Variants in RYR3 observed in about 807,000 individuals in gnomAD.
The protein encoded by RYR3 is brain ryanodine receptor-calcium release channel.
In RYR3, 207 loss-of-function variants were observed where a neutral mutation model predicts 584.3. That is an observed-to-expected ratio of 0.35 (90% CI 0.32 to 0.40). The LOEUF (loss-of-function observed/expected upper bound fraction) is 0.40. RYR3 is among the 10% of genes least tolerant of loss of function. The pLI is 1.00. For missense variants in RYR3, 5,616 were observed against 6,089.2 expected (o/e 0.92, Z 2.59); for synonymous variants, 2,416 against 2,248.5 (o/e 1.07, Z -2.11).
chr15:33,584,970 T>C (rs898471196), intron 15 of RYR3, among the ~76,000 whole-genome samples: 1 of 152,144 alleles, frequency 6.6e-6, no homozygotes, highest in East Asian at 1.9e-4. Flanking sequence ...ACCCTTCACA[T>C]CATATCTATA....
chr15:33,587,591 A>T (rs945285584), intron 16 of RYR3, among the ~76,000 whole-genome samples: 1 of 152,188 alleles, frequency 6.6e-6, no homozygotes, highest in African/African-American at 2.4e-5. Flanking sequence ...GCCTGATCTG[A>T]TATGTTATCA....
chr15:33,604,020 G>C (rs570362848), intron 18 of RYR3, among the ~76,000 whole-genome samples: 1 of 152,288 alleles, frequency 6.6e-6, no homozygotes, highest in South Asian at 2.1e-4. Flanking sequence ...CTTGACTTCT[G>C]CCTGGGTGAA....
intron 52 of RYR3, among the ~76,000 whole-genome samples, chr15:33,745,442 G>A (rs990174781): frequency 1.3e-5 from 2 of 152,060 alleles, no homozygotes; most frequent in Non-Finnish European, 2.9e-5. Context: ...AAATGGACAG[G>A]AGCAGAGATT....
chr15:33,400,940 G>A (rs1331665491), intron 1 of RYR3, among the ~76,000 whole-genome samples: 2 of 152,130 alleles, frequency 1.3e-5, no homozygotes, highest in Admixed American at 6.5e-5. Context: ...CAGCATGGAC[G>A]GGTAAATTTG....
intron 19 of RYR3, among the ~76,000 whole-genome samples, chr15:33,618,160 AT>A (rs147251810): frequency 7.9e-5 from 12 of 151,566 alleles, no homozygotes; most frequent in African/African-American, 2.7e-4. Context: ...TTGGGTGCTA[AT>A]TTTTTTTTGC....
chr15:33,464,833 A>G (rs912562987), intron 1 of RYR3, among the ~76,000 whole-genome samples: 3 of 152,074 alleles, frequency 2.0e-5, no homozygotes, highest in African/African-American at 7.2e-5. Flanking sequence ...TTAGAGCTCC[A>G]GAACTTACTT....
In RYR3 at chr15:33,827,221, T is replaced by C. The variant is rs1326634317; in HGVS notation, c.11268T>C (p.Thr3756=). ...HNSDFQNFLR[T]QMGNTTTVNV... ...CAGACTTTCAGAACTTCCTGCGGAC[T>C]CAGATGGGCAACACCACCACCGTGA... The change falls in exon 85 of 104, where the codon ACT becomes ACC. Residue 3756 remains threonine (T), a synonymous_variant. Coordinates refer to ENST00000634891, the MANE Select transcript of RYR3 (RefSeq NM_001036.6). 9 of 1,552,072 alleles carry C rather than the reference T, an allele frequency of 5.8e-6. No homozygotes were observed. The highest frequency in any genetic ancestry group is 1.4e-5 in the African/African-American group (1 of 73,182).
At chr15:33,353,945 C>A (rs1179544727) in intron 1 of RYR3, among the ~76,000 whole-genome samples, 1 of 152,168 alleles carries the variant, frequency 6.6e-6, no homozygotes. Flanking sequence ...AAAACTGTGA[C>A]TCCAGCCTTT....
chr15:33,825,535 T>G, intron 81 of RYR3, 68 bp from the exon 82 acceptor site: 1 of 1,011,460 alleles, frequency 9.9e-7, no homozygotes, highest in South Asian at 1.3e-5. Flanking sequence ...GATAGGTACA[T>G]TAACATTAGA....
intron 1 of RYR3, among the ~76,000 whole-genome samples, chr15:33,389,650 C>G (rs897484331): frequency 6.6e-6 from 1 of 152,078 alleles, no homozygotes; most frequent in Non-Finnish European, 1.5e-5. Context: ...AATATTTGTC[C>G]TGTGTTTAAA....
chr15:33,618,813 G>A (rs1287607914), intron 19 of RYR3, among the ~76,000 whole-genome samples: 1 of 152,156 alleles, frequency 6.6e-6, no homozygotes, highest in Non-Finnish European at 1.5e-5. Context: ...CACCCCCTTT[G>A]AGCACAGCAC....
Position 33,841,883 on chromosome 15 carries a change from G to A in RYR3, c.13057G>A (p.Glu4353Lys), listed in dbSNP as rs1182254922. ...CTGCAGCATGGAAGATGGAGAGAAG[G>A]AAGACAAAGACAAAGAAGAGGAGCA... is the stretch of plus-strand genomic sequence containing the variant. Reference protein sequence around the residue: ...EKADMEDGEKEDKDKEEEQAE... With the variant: ...EKADMEDGEKKDKDKEEEQAE... The change falls in exon 91 of 104, where the codon GAA becomes AAA. Residue 4353 changes from glutamate to lysine, a missense_variant. Transcript: ENST00000634891. 6.3e-7 allele frequency: 1 copy of A among 1,595,558 alleles called. No homozygotes were observed. Among genetic ancestry groups the A allele is most frequent in the Admixed American group, 1.7e-5 (1 of 57,290 alleles).
At chr15:33,711,394 C>T (rs1308358113) in intron 43 of RYR3, among the ~76,000 whole-genome samples, 3 of 152,080 alleles carry the variant, frequency 2.0e-5, no homozygotes, top group African/African-American at 7.2e-5. Context: ...TAGGCACCCA[C>T]CACCATGCCT....
At position 33,662,186 on chromosome 15, in the gene RYR3, G is replaced by A. The variant is rs755246826; in HGVS notation, c.4656G>A (p.Glu1552=). Residue 1552 remains glutamate (E), a synonymous_variant, in exon 35 of 104, where the codon GAG becomes GAA. Transcript: ENST00000634891. The part of the protein sequence containing the change: ...CVDILELCEQ[E]DLMRFHYHTL... The stretch of plus-strand genomic sequence containing the variant: ...ATATCCTGGAGCTCTGTGAGCAGGA[G>A]GACCTGATGCGGTTCCATTACCACA... 6 of 1,605,334 alleles carry A rather than the reference G, an allele frequency of 3.7e-6. No homozygotes were observed. In the East Asian group the frequency reaches 1.1e-4, roughly 30 times the overall value.
At chr15:33,738,663 A>G in intron 50 of RYR3, 73 bp downstream of exon 50, 1 of 1,558,204 alleles carries the variant, frequency 6.4e-7, no homozygotes, top group Non-Finnish European at 8.8e-7. Flanking sequence ...AACAGCCGTC[A>G]TCTGTTTAGC....
At chr15:33,597,158 G>T (rs2059417946) in intron 16 of RYR3, among the ~76,000 whole-genome samples, 1 of 152,172 alleles carries the variant, frequency 6.6e-6, no homozygotes, top group Admixed American at 6.5e-5. Context: ...GGCTGGGCTT[G>T]TAGTTTTGTA....
At position 33,726,379 on chromosome 15, in the gene RYR3, C is replaced by G; in HGVS notation, c.6913-7C>G. The G allele has an allele frequency of 3.7e-6, 6 of 1,613,068 alleles. No individual in the cohort carries two copies. Among genetic ancestry groups the G allele is most frequent in the Non-Finnish European group, 4.2e-6 (5 of 1,179,602 alleles). ...TATCTAATGTCATTCTCAACCCTATCTTCCAGCTCATCCAGACAGGAAAGG... is the reference window on the plus strand; with the variant it reads ...TATCTAATGTCATTCTCAACCCTATGTTCCAGCTCATCCAGACAGGAAAGG... On this transcript the variant is annotated splice_region_variant and splice_polypyrimidine_tract_variant and intron_variant, in intron 45 of 103. Transcript: ENST00000634891.
At chr15:33,707,968 T>G (rs2066837270) in intron 43 of RYR3, among the ~76,000 whole-genome samples, 1 of 152,206 alleles carries the variant, frequency 6.6e-6, no homozygotes, top group Non-Finnish European at 1.5e-5. Context: ...TGGTTTCTTT[T>G]CTCCTTGTCC....
At chr15:33,652,679 C>T (rs1221952405) in intron 31 of RYR3, 39 bp from the exon 32 acceptor site, 1 of 1,597,732 alleles carries the variant, frequency 6.3e-7, no homozygotes, top group South Asian at 1.1e-5. Context: ...CAAACTGCCC[C>T]AGTCCAGATT....
Sources: allele counts gnomAD v4.1 joint callset (sites outside exome capture counted in the v4.1 genomes callset), GRCh38; gene constraint gnomAD v4.1.1; transcripts MANE v1.5; gene names NCBI Gene and HGNC (gene_info 2026-07-23, HGNC 2026-07-21).